The following CRPPA variants were observed in gnomAD, a reference collection of about 807,000 sequenced individuals.
CRPPA encodes the protein D-ribitol-5-phosphate cytidylyltransferase.
CRPPA carries 43 observed loss-of-function variants against 52.0 expected under a neutral mutation model. The ratio of observed to expected loss-of-function variants is 0.83; its 90% CI spans 0.65 to 1.07. The LOEUF is 1.07. Ranked by LOEUF, CRPPA falls within the 50% of genes least tolerant of loss-of-function variation. The pLI, the probability that CRPPA is intolerant of heterozygous loss-of-function variation, is 0.00. For missense variants in CRPPA, 629 were observed against 551.7 expected (o/e 1.14, Z -1.40); for synonymous variants, 250 against 203.5 (o/e 1.23, Z -1.94).
At chr7:16,391,774 A>T (rs1218995310) in intron 2 of CRPPA, among the ~76,000 whole-genome samples, 1 of 152,184 alleles carries the variant, frequency 6.6e-6, no homozygotes, top group Non-Finnish European at 1.5e-5. Context: ...CAGCACCTAG[A>T]AAAGTGCCTA....
intron 5 of CRPPA, among the ~76,000 whole-genome samples, chr7:16,292,109 T>C (rs1784576317): frequency 6.6e-6 from 1 of 151,946 alleles, no homozygotes; most frequent in Non-Finnish European, 1.5e-5. Flanking sequence ...ATCAAAGTCA[T>C]ACATGTCTCT....
At chr7:16,100,170 T>A (rs1383053263) in intron 9 of CRPPA, among the ~76,000 whole-genome samples, 1 of 152,224 alleles carries the variant, frequency 6.6e-6, no homozygotes, top group Non-Finnish European at 1.5e-5. Flanking sequence ...CATCCCAGTA[T>A]AATCATTATT....
intron 9 of CRPPA, among the ~76,000 whole-genome samples, chr7:16,166,685 T>G (rs529538486): frequency 6.6e-6 from 1 of 152,262 alleles, no homozygotes; most frequent in South Asian, 2.1e-4. Context: ...TCCAGAGCCT[T>G]CTTACCAGCT....
intron 5 of CRPPA, among the ~76,000 whole-genome samples, chr7:16,278,519 C>A (rs1197805255): frequency 6.6e-6 from 1 of 152,160 alleles, no homozygotes; most frequent in East Asian, 1.9e-4. Context: ...AGGTGACAAC[C>A]ATTTGAAGTT....
chr7:16,354,853 CT>C (rs1168193467), intron 3 of CRPPA, among the ~76,000 whole-genome samples: 3 of 152,038 alleles, frequency 2.0e-5, no homozygotes, highest in South Asian at 2.1e-4. Context: ...ATTTATTCCC[CT>C]AAGGCATGTA....
At chr7:16,363,873 A>G (rs961965634) in intron 3 of CRPPA, among the ~76,000 whole-genome samples, 2 of 152,224 alleles carry the variant, frequency 1.3e-5, no homozygotes, top group Non-Finnish European at 2.9e-5. Flanking sequence ...TTTGCCTGCT[A>G]TAAGTTCAAT....
intron 9 of CRPPA, among the ~76,000 whole-genome samples, chr7:16,197,479 C>T (rs867268684): frequency 7.2e-5 from 11 of 151,746 alleles, no homozygotes; most frequent in Admixed American, 3.3e-4. Context: ...CTGGGATGAC[C>T]GGTATGCACT....
chr7:16,286,063 ATAT>A (rs1784432748), intron 5 of CRPPA, among the ~76,000 whole-genome samples: 1 of 38,428 alleles, frequency 2.6e-5, no homozygotes, highest in Admixed American at 3.3e-4. Context: ...ATATATATAT[ATAT>A]ATATATATAT....
intron 9 of CRPPA, 58 bp from the exon 10 acceptor site, chr7:16,091,857 T>C: frequency 2.8e-6 from 3 of 1,078,416 alleles, no homozygotes; most frequent in Non-Finnish European, 3.9e-6. Flanking sequence ...ATGTGTTAAG[T>C]TTGATAAAAA....
At chr7:16,208,462 T>C (rs1440697622) in intron 9 of CRPPA, among the ~76,000 whole-genome samples, 2 of 152,234 alleles carry the variant, frequency 1.3e-5, no homozygotes, top group East Asian at 1.9e-4. Flanking sequence ...TGTAATTTCA[T>C]AATTTCAAGA....
intron 5 of CRPPA, among the ~76,000 whole-genome samples, chr7:16,283,804 A>AT (rs1784369124): frequency 6.6e-6 from 1 of 151,972 alleles, no homozygotes; most frequent in African/African-American, 2.4e-5. Flanking sequence ...TGCATGTCTC[A>AT]CTGGGTTTTA....
At chr7:16,147,690 T>G (rs1220043812) in intron 9 of CRPPA, among the ~76,000 whole-genome samples, 1 of 152,204 alleles carries the variant, frequency 6.6e-6, no homozygotes, top group African/African-American at 2.4e-5. Context: ...ACATTTTCAG[T>G]GCCTATCACA....
intron 9 of CRPPA, among the ~76,000 whole-genome samples, chr7:16,139,308 A>C (rs1374242607): frequency 6.6e-6 from 1 of 152,184 alleles, no homozygotes; most frequent in Non-Finnish European, 1.5e-5. Context: ...GAGGTAACAA[A>C]ACTTGACCTG....
In CRPPA at chr7:16,331,292, C is replaced by A. The variant is rs1005947609; in HGVS notation, c.685-22665G>T. On this transcript the variant is annotated intron_variant, in intron 3 of 9. Coordinates refer to ENST00000407010, the MANE Select transcript of CRPPA (RefSeq NM_001101426.4). ...GGGATTACAGGCGTGAGCCACTGCA[C>A]CTGGCCAGAAACGTGTTTTACAAGG... Among the ~76,000 whole-genome samples, 5 of 152,178 alleles carry A rather than the reference C, an allele frequency of 3.3e-5. No individual in the cohort carries two copies. In the East Asian group the frequency reaches 9.7e-4, roughly 29 times the overall value.
At chr7:16,131,612 T>G (rs1463498692) in intron 9 of CRPPA, among the ~76,000 whole-genome samples, 1 of 152,132 alleles carries the variant, frequency 6.6e-6, no homozygotes, top group Admixed American at 6.5e-5. Flanking sequence ...GAACAGGGTC[T>G]CACTTTATCC....
intron 6 of CRPPA, among the ~76,000 whole-genome samples, chr7:16,261,123 A>T (rs985788441): frequency 1.3e-5 from 2 of 152,130 alleles, no homozygotes; most frequent in Non-Finnish European, 2.9e-5. Context: ...AAGTATTAAA[A>T]GTACGAATGT....
chr7:16,110,421 T>C (rs1175816025), intron 9 of CRPPA, among the ~76,000 whole-genome samples: 5 of 152,098 alleles, frequency 3.3e-5, no homozygotes, highest in Non-Finnish European at 5.9e-5. Flanking sequence ...ATAAAAAATA[T>C]TGTTAAGTTC....
Position 16,199,608 on chromosome 7 carries a change from A to T in CRPPA, c.1251+16458T>A, listed in dbSNP as rs1400297615. 2.0e-5 allele frequency among the ~76,000 whole-genome samples: 3 copies of T among 151,986 alleles called. No homozygotes were observed. The East Asian group carries it at 5.8e-4, about 29-fold the overall frequency. On this transcript the variant is annotated intron_variant, in intron 9 of 9. Transcript: ENST00000407010. ...TCAAAATAAAATTCTCCTGAATCTC[A>T]TTTCTATGTAGAATCTGCATGTTTC...
chr7:16,418,549 G>A (rs186439564), intron 1 of CRPPA, among the ~76,000 whole-genome samples: 1 of 152,266 alleles, frequency 6.6e-6, no homozygotes, highest in East Asian at 1.9e-4. Context: ...TACAAGCATG[G>A]TGGAAGGTGA....
Sources: gnomAD v4.1 joint callset for allele counts (sites outside exome capture counted in the v4.1 genomes callset) on GRCh38, gnomAD v4.1.1 for gene constraint, MANE v1.5 for transcripts, NCBI Gene and HGNC (gene_info 2026-07-23, HGNC 2026-07-21) for gene names.